Variants in RBMS1 observed in about 807,000 individuals in gnomAD.
The protein encoded by RBMS1 is RNA-binding motif, single-stranded-interacting protein 1.
In RBMS1, 17 loss-of-function variants were observed where a neutral mutation model predicts 62.3. That is an observed-to-expected ratio of 0.27 (90% CI 0.19 to 0.41). The LOEUF (loss-of-function observed/expected upper bound fraction) is 0.41, where lower values mean the gene tolerates loss of function less well. Ranked by LOEUF, RBMS1 falls within the 10% of genes least tolerant of loss-of-function variation. The probability of loss-of-function intolerance (pLI) is 1.00; values close to 1 mark genes in which losing one functional copy is unlikely to be tolerated. For missense variants in RBMS1, 334 were observed against 504.5 expected (o/e 0.66, Z 3.24); for synonymous variants, 172 against 170.0 (o/e 1.01, Z -0.09).
At chr2:160,337,919 G>A (rs537900910) in intron 2 of RBMS1, among the ~76,000 whole-genome samples, 18 of 152,268 alleles carry the variant, frequency 1.2e-4, no homozygotes, top group African/African-American at 4.3e-4. Context: ...ATGGATATCA[G>A]CTCCATTCAC....
intron 1 of RBMS1, among the ~76,000 whole-genome samples, chr2:160,408,832 G>C (rs546691792): frequency 3.3e-5 from 5 of 152,170 alleles, no homozygotes; most frequent in Non-Finnish European, 7.3e-5. Context: ...CAGAGCCTGC[G>C]GTCTCTGGAT....
At chr2:160,362,532 C>G (rs1472840492) in intron 2 of RBMS1, among the ~76,000 whole-genome samples, 1 of 152,154 alleles carries the variant, frequency 6.6e-6, no homozygotes, top group Admixed American at 6.5e-5. Context: ...GCCAGTGGAG[C>G]AGTCAGAACA....
chr2:160,297,639 C>T (rs1392170278), intron 6 of RBMS1, among the ~76,000 whole-genome samples: 2 of 152,228 alleles, frequency 1.3e-5, no homozygotes, highest in African/African-American at 4.8e-5. Context: ...CATAACCCAA[C>T]TGGGTCAGAG....
chr2:160,344,992 G>C (rs1003880446), intron 2 of RBMS1, among the ~76,000 whole-genome samples: 1 of 152,006 alleles, frequency 6.6e-6, no homozygotes, highest in Non-Finnish European at 1.5e-5. Flanking sequence ...TACATGATAG[G>C]ATACATACCT....
chr2:160,337,277 G>A (rs1279617821), intron 2 of RBMS1, among the ~76,000 whole-genome samples: 2 of 151,844 alleles, frequency 1.3e-5, no homozygotes, highest in African/African-American at 4.8e-5. Context: ...GGGATTATAG[G>A]TTCATGTCAC....
intron 1 of RBMS1, among the ~76,000 whole-genome samples, chr2:160,490,559 A>C (rs1005680604): frequency 3.3e-5 from 5 of 152,076 alleles, no homozygotes; most frequent in Non-Finnish European, 5.9e-5. Flanking sequence ...AACGGATGGT[A>C]TTTTTTTATT....
At chr2:160,325,687 A>T (rs1308284800) in intron 2 of RBMS1, among the ~76,000 whole-genome samples, 1 of 152,146 alleles carries the variant, frequency 6.6e-6, no homozygotes, top group Non-Finnish European at 1.5e-5. Context: ...TAGCAAATAA[A>T]GTTTTTTGGA....
chr2:160,309,266 T>C (rs1428825568), intron 4 of RBMS1, among the ~76,000 whole-genome samples: 1 of 152,128 alleles, frequency 6.6e-6, no homozygotes, highest in Non-Finnish European at 1.5e-5. Flanking sequence ...CCTCTCACCA[T>C]CAGTCAAGCA....
At chr2:160,334,076 C>T (rs768580296) in intron 2 of RBMS1, among the ~76,000 whole-genome samples, 2 of 152,156 alleles carry the variant, frequency 1.3e-5, no homozygotes, top group African/African-American at 2.4e-5. Flanking sequence ...GTTCTATCAA[C>T]ATTTTCATTC....
chr2:160,318,132 G>A, intron 3 of RBMS1, 37 bp downstream of exon 3: 1 of 1,554,540 alleles, frequency 6.4e-7, no homozygotes, highest in South Asian at 1.2e-5. Context: ...TTTTTCTAAA[G>A]CTATCATTTA....
At chr2:160,386,858 A>G (rs533693308) in intron 1 of RBMS1, among the ~76,000 whole-genome samples, 49 of 152,274 alleles carry the variant, frequency 3.2e-4, no homozygotes, top group African/African-American at 9.6e-4. Context: ...CTTTTTATAC[A>G]CCTAGTCATA....
intron 6 of RBMS1, among the ~76,000 whole-genome samples, chr2:160,293,171 T>C (rs1051323978): frequency 3.3e-5 from 5 of 152,232 alleles, no homozygotes; most frequent in African/African-American, 1.2e-4. Flanking sequence ...GTAACAATGC[T>C]TAAGAGAAAT....
At chr2:160,439,043 G>A (rs1326919921) in intron 1 of RBMS1, among the ~76,000 whole-genome samples, 4 of 149,838 alleles carry the variant, frequency 2.7e-5, no homozygotes, top group East Asian at 2.0e-4. Flanking sequence ...CCTCCTGGAC[G>A]GGGCAGCTGG....
chr2:160,401,558 A>C (rs1695423476), intron 1 of RBMS1, among the ~76,000 whole-genome samples: 1 of 152,230 alleles, frequency 6.6e-6, no homozygotes. Context: ...TTAAAAACAA[A>C]CACCCACTAA....
chr2:160,289,143 T>C (rs558047762), intron 6 of RBMS1, among the ~76,000 whole-genome samples: 2 of 152,184 alleles, frequency 1.3e-5, no homozygotes, highest in Non-Finnish European at 2.9e-5. Flanking sequence ...CAATAAAGCC[T>C]GCTAAAAATG....
intron 1 of RBMS1, among the ~76,000 whole-genome samples, chr2:160,451,291 T>C (rs1357186107): frequency 6.6e-6 from 1 of 152,230 alleles, no homozygotes; most frequent in Non-Finnish European, 1.5e-5. Flanking sequence ...CAATGTTTGC[T>C]CTTTGGGTGT....
intron 1 of RBMS1, among the ~76,000 whole-genome samples, chr2:160,404,599 G>A (rs575763598): frequency 4.5e-4 from 68 of 152,206 alleles, no homozygotes; most frequent in African/African-American, 1.5e-3. Flanking sequence ...CAAATACTAC[G>A]CAATTTTATA....
At chr2:160,354,054 T>C (rs1258814299) in intron 2 of RBMS1, among the ~76,000 whole-genome samples, 1 of 152,096 alleles carries the variant, frequency 6.6e-6, no homozygotes, top group East Asian at 1.9e-4. Context: ...TAAGTGCCTG[T>C]TATGCTGTTT....
At chr2:160,490,895 C>T (rs556513468) in intron 1 of RBMS1, among the ~76,000 whole-genome samples, 89 of 152,254 alleles carry the variant, frequency 5.8e-4, no homozygotes, top group African/African-American at 2.0e-3. Context: ...CATCACTGTA[C>T]TTTAAACAGA....
Sources: gnomAD v4.1 joint callset for allele counts (sites outside exome capture counted in the v4.1 genomes callset) on GRCh38, gnomAD v4.1.1 for gene constraint, MANE v1.5 for transcripts, NCBI Gene and HGNC (gene_info 2026-07-23, HGNC 2026-07-21) for gene names.